C12orf42: variants seen among roughly 807,000 people sequenced by gnomAD.
C12orf42 encodes chromosome 12 open reading frame 42.
In C12orf42, 25 loss-of-function variants were observed where a neutral mutation model predicts 21.6. That is an observed-to-expected ratio of 1.16 (90% CI 0.84 to 1.62). C12orf42 has a LOEUF of 1.62. C12orf42 is among the 40% of genes most tolerant of loss of function. The pLI, the probability that C12orf42 is intolerant of heterozygous loss-of-function variation, is 0.00. For missense variants in C12orf42, 483 were observed against 459.3 expected, an observed-to-expected ratio of 1.05 and a Z score of -0.47; for synonymous variants, 174 against 175.0, an observed-to-expected ratio of 0.99 and a Z score of 0.05.
At chr12:103,094,688 C>G in the C12orf42 span, among the ~76,000 whole-genome samples, 1 of 152,122 alleles carries the variant, frequency 6.6e-6, no homozygotes, top group African/African-American at 2.4e-5. Context: ...AGAATAGATT[C>G]CTCTTTAAAT....
the C12orf42 span, among the ~76,000 whole-genome samples, chr12:103,158,627 TC>T: frequency 2.0e-5 from 3 of 152,088 alleles, no homozygotes; most frequent in African/African-American, 7.2e-5. Flanking sequence ...ATGCCCAAAA[TC>T]CCAGCACTTT....
At chr12:103,201,694 A>G in the C12orf42 span, among the ~76,000 whole-genome samples, 1 of 152,292 alleles carries the variant, frequency 6.6e-6, no homozygotes, top group South Asian at 2.1e-4. Flanking sequence ...TCTGATGGCC[A>G]GCCACTATGC....
intron 2 of C12orf42, among the ~76,000 whole-genome samples, chr12:103,436,802 A>C (rs1287921740): frequency 6.6e-6 from 1 of 152,016 alleles, no homozygotes; most frequent in Non-Finnish European, 1.5e-5. Context: ...ACACATTAAT[A>C]ATGGGAGACT....
At chr12:103,222,417 T>C in the C12orf42 span, among the ~76,000 whole-genome samples, 26 of 152,334 alleles carry the variant, frequency 1.7e-4, no homozygotes, top group African/African-American at 6.3e-4. Context: ...ACCGGCCATT[T>C]ACACTTCTTT....
At chr12:103,053,918 A>G in the C12orf42 span, among the ~76,000 whole-genome samples, 5 of 151,872 alleles carry the variant, frequency 3.3e-5, no homozygotes, top group East Asian at 9.7e-4. Context: ...TTGTGGGTCT[A>G]TTTATTGTTT....
At chr12:103,477,115 A>G (rs1954113152) in intron 2 of C12orf42, 1 of 152,262 alleles carries the variant, frequency 6.6e-6, no homozygotes, top group South Asian at 2.1e-4. Flanking sequence ...ACACAGGGGA[A>G]CAAAGCTGGC....
intron 3 of C12orf42, among the ~76,000 whole-genome samples, chr12:103,397,376 T>C (rs1645075210): frequency 6.6e-6 from 1 of 152,060 alleles, no homozygotes; most frequent in Non-Finnish European, 1.5e-5. Flanking sequence ...CAACAGGAGG[T>C]GAGTGCCAGG....
chr12:103,467,548 C>A (rs1188426522), intron 2 of C12orf42, among the ~76,000 whole-genome samples: 1 of 152,090 alleles, frequency 6.6e-6, no homozygotes, highest in East Asian at 1.9e-4. Context: ...CCCTCAGGAC[C>A]CGCTGGAGGG....
chr12:103,527,111 A>G, the C12orf42 span, among the ~76,000 whole-genome samples: 81,735 of 151,726 alleles, frequency 0.54, 23,020 homozygotes, highest in South Asian at 0.74. Flanking sequence ...TTTGGTATAC[A>G]TTGTAATTTG....
At chr12:103,546,258 T>C in the C12orf42 span, among the ~76,000 whole-genome samples, 22 of 152,198 alleles carry the variant, frequency 1.4e-4, no homozygotes, top group African/African-American at 5.1e-4. Flanking sequence ...GTAAATTATA[T>C]AGATTTTTTG....
chr12:103,407,851 C>T (rs2048538286), intron 2 of C12orf42, among the ~76,000 whole-genome samples: 1 of 152,198 alleles, frequency 6.6e-6, no homozygotes. Flanking sequence ...AATGAGGTTT[C>T]ATTCTTGATC....
At chr12:103,229,885 A>G in the C12orf42 span, among the ~76,000 whole-genome samples, 1 of 152,194 alleles carries the variant, frequency 6.6e-6, no homozygotes, top group Non-Finnish European at 1.5e-5. Context: ...CTACAACCGA[A>G]TCCTGTGGGA....
chr12:103,219,334 C>T, the C12orf42 span, among the ~76,000 whole-genome samples: 3 of 152,128 alleles, frequency 2.0e-5, no homozygotes, highest in South Asian at 6.2e-4. Flanking sequence ...CAATACCATT[C>T]AGGATATAGG....
intron 2 of C12orf42, among the ~76,000 whole-genome samples, chr12:103,471,011 G>A (rs930272943): frequency 4.6e-5 from 7 of 152,282 alleles, no homozygotes; most frequent in South Asian, 4.1e-4. Context: ...CACAATTAAT[G>A]AGCATAATAA....
chr12:103,431,350 C>T (rs1035612327), intron 2 of C12orf42: 19 of 152,122 alleles, frequency 1.2e-4, no homozygotes, highest in African/African-American at 4.6e-4. Flanking sequence ...ACTCTAGAGT[C>T]TATATTATTT....
chr12:103,241,430 C>T (rs1315049764), intron 10 of C12orf42, among the ~76,000 whole-genome samples: 1 of 152,092 alleles, frequency 6.6e-6, no homozygotes, highest in Non-Finnish European at 1.5e-5. Context: ...CTGCACCTGC[C>T]ATTTGGACCA....
chr12:103,232,273 T>C, the C12orf42 span, among the ~76,000 whole-genome samples: 6 of 152,226 alleles, frequency 3.9e-5, no homozygotes, highest in Non-Finnish European at 7.3e-5. Context: ...AATCTCTTTA[T>C]AGTATCTTTA....
chr12:103,517,514 G>T, the C12orf42 span, among the ~76,000 whole-genome samples: 4 of 152,216 alleles, frequency 2.6e-5, no homozygotes, highest in African/African-American at 9.6e-5. Context: ...AGAGTGGCAG[G>T]AGCCACCTGA....
At chr12:103,087,587 C>G in the C12orf42 span, among the ~76,000 whole-genome samples, 1 of 152,236 alleles carries the variant, frequency 6.6e-6, no homozygotes, top group South Asian at 2.1e-4. Context: ...CAATAATATA[C>G]TGATTTATAA....
Sources: gnomAD v4.1 joint callset for allele counts (sites outside exome capture counted in the v4.1 genomes callset) on GRCh38, gnomAD v4.1.1 for gene constraint, MANE v1.5 for transcripts, NCBI Gene and HGNC (gene_info 2026-07-23, HGNC 2026-07-21) for gene names.